Variants in PIK3C2G observed in about 807,000 individuals in gnomAD.
PIK3C2G encodes phosphatidylinositol 3-kinase C2 domain-containing subunit gamma.
A neutral mutation model predicts 181.1 loss-of-function variants in PIK3C2G; 168 were observed. The ratio of observed to expected loss-of-function variants is 0.93; its 90% CI spans 0.82 to 1.05. The LOEUF is 1.05. PIK3C2G is among the 50% of genes least tolerant of loss of function. The pLI is 0.00. For missense variants in PIK3C2G, 1,869 were observed against 1,732.8 expected (o/e 1.08, Z -1.40); for synonymous variants, 573 against 592.2 (o/e 0.97, Z 0.47).
At chr12:18,435,871 T>A (rs1237667070) in intron 18 of PIK3C2G, among the ~76,000 whole-genome samples, 2 of 151,788 alleles carry the variant, frequency 1.3e-5, no homozygotes, top group Non-Finnish European at 2.9e-5. Flanking sequence ...ACATCTACAA[T>A]ACAGTTCTTA....
At chr12:18,400,826 T>C (rs1944209210) in intron 16 of PIK3C2G, among the ~76,000 whole-genome samples, 2 of 152,072 alleles carry the variant, frequency 1.3e-5, no homozygotes, top group African/African-American at 4.8e-5. Context: ...TATGGCTTCT[T>C]CCATTAACTG....
intron 24 of PIK3C2G, among the ~76,000 whole-genome samples, chr12:18,505,849 A>G (rs961934632): frequency 6.6e-6 from 1 of 152,208 alleles, no homozygotes; most frequent in Non-Finnish European, 1.5e-5. Context: ...TATTAATACT[A>G]GCTTACTTCC....
Position 18,496,075 on chromosome 12 carries a change from T to A in PIK3C2G, c.2807T>A (p.Phe936Tyr). 1 of 1,519,284 alleles carries A rather than the reference T, an allele frequency of 6.6e-7. No homozygotes were observed. The highest frequency in any genetic ancestry group is 8.9e-7 in the Non-Finnish European group (1 of 1,126,392). 94.1% of individuals were successfully genotyped at this position (1,519,284 alleles called of 1,614,324 possible). Reference protein sequence around the residue: ...KGIDHDACSYFTSNALPLKIT... With the variant: ...KGIDHDACSYYTSNALPLKIT... ...CTTTTCCTATAGGCATGTTCATATT[T>A]TACATCTAATGCTTTGCCATTGAAG... Residue 936 changes from phenylalanine (F) to tyrosine (Y), a missense_variant, in exon 21 of 33, where the codon TTT (phenylalanine) becomes TAT (tyrosine). Physicochemically the swap from Phe to Tyr is conservative, Grantham distance 22. Coordinates refer to ENST00000538779, the MANE Select transcript of PIK3C2G (RefSeq NM_001288772.2).
At chr12:18,445,944 G>T (rs1250850816) in intron 18 of PIK3C2G, among the ~76,000 whole-genome samples, 1 of 152,122 alleles carries the variant, frequency 6.6e-6, no homozygotes, top group East Asian at 1.9e-4. Flanking sequence ...GGGAAAATGG[G>T]CACAGAGAGA....
At chr12:18,289,371 T>G (rs1949590766) in intron 3 of PIK3C2G, among the ~76,000 whole-genome samples, 1 of 152,200 alleles carries the variant, frequency 6.6e-6, no homozygotes, top group African/African-American at 2.4e-5. Context: ...TAGGAGAGAA[T>G]GAATCATGAA....
intron 16 of PIK3C2G, among the ~76,000 whole-genome samples, chr12:18,410,054 T>G (rs1368805054): frequency 6.6e-6 from 1 of 152,084 alleles, no homozygotes; most frequent in African/African-American, 2.4e-5. Context: ...TCCAGCACAC[T>G]GGGGATTACA....
chr12:18,341,132 G>A (rs997102643), intron 9 of PIK3C2G, among the ~76,000 whole-genome samples: 10 of 152,124 alleles, frequency 6.6e-5, no homozygotes, highest in African/African-American at 2.4e-4. Context: ...TTAGGATGAA[G>A]TATTTCAAAG....
intron 1 of PIK3C2G, among the ~76,000 whole-genome samples, chr12:18,251,290 T>G (rs966996553): frequency 1.3e-4 from 20 of 152,094 alleles, no homozygotes; most frequent in African/African-American, 3.8e-4. Flanking sequence ...AATGGAAAAG[T>G]CCACTTAAAA....
In PIK3C2G at chr12:18,371,178, A is replaced by C. The variant is rs1231279590; in HGVS notation, c.1749-2A>C. On this transcript the variant is annotated splice_acceptor_variant, in intron 12 of 32. Coordinates refer to ENST00000538779, the MANE Select transcript of PIK3C2G (RefSeq NM_001288772.2). LOFTEE classifies it high-confidence loss of function. ...AATGCTTCTTCTTTCTTTTATTCTC[A>C]GGATCAATTTTCCCCTTGAAATAAA... is the stretch of plus-strand genomic sequence containing the variant. 6.2e-7 allele frequency: 1 copy of C among 1,602,920 alleles called. No individual in the cohort carries two copies. The highest frequency in any genetic ancestry group is 2.2e-5 in the East Asian group (1 of 44,624).
At chr12:18,404,859 T>G (rs151173995) in intron 16 of PIK3C2G, among the ~76,000 whole-genome samples, 31 of 151,940 alleles carry the variant, frequency 2.0e-4, no homozygotes, top group African/African-American at 7.2e-4. Context: ...GGCATCAGTA[T>G]AAAGAACAGA....
chr12:18,377,066 G>A (rs1461004107), intron 13 of PIK3C2G, among the ~76,000 whole-genome samples: 2 of 152,214 alleles, frequency 1.3e-5, no homozygotes, highest in Admixed American at 1.3e-4. Context: ...TCTTGCACAT[G>A]AAACCTGTTA....
chr12:18,713,248 G>A, the PIK3C2G span, among the ~76,000 whole-genome samples: 2 of 151,968 alleles, frequency 1.3e-5, no homozygotes, highest in African/African-American at 2.4e-5. Flanking sequence ...CTCCATACAA[G>A]GCTTGGTTTT....
In PIK3C2G at chr12:18,405,397, G is replaced by GTGGTGTTGT. The variant is rs113689341; in HGVS notation, c.2315+5552_2315+5553insGTGTTGTTG. 1.9e-3 allele frequency among the ~76,000 whole-genome samples: 263 copies of GTGGTGTTGT among 139,876 alleles called. 2 individuals are homozygous for GTGGTGTTGT. The highest frequency in any genetic ancestry group is 6.4e-3 in the African/African-American group (220 of 34,608). The allele number at this position is 139,876 out of a possible 152,430, so 91.8% of individuals were successfully genotyped here. A position where few individuals can be genotyped will look rare whatever the true frequency, so the allele number is the denominator to read the frequency against. On this transcript the variant is annotated intron_variant, in intron 16 of 32. Coordinates refer to ENST00000538779, the MANE Select transcript of PIK3C2G (RefSeq NM_001288772.2). ...GGAACTCTGGAGAACAGCAACATTT[G>GTGGTGTTGT]TGTTGTTGTTGTTGTTGTTGTTGTT...
chr12:18,634,988 A>G (rs1025234050), intron 31 of PIK3C2G, among the ~76,000 whole-genome samples: 6 of 152,018 alleles, frequency 3.9e-5, no homozygotes, highest in African/African-American at 1.4e-4. Context: ...ACTGGCTGCA[A>G]CCCATGGATC....
At chr12:18,543,312 T>C (rs1280509109) in intron 25 of PIK3C2G, among the ~76,000 whole-genome samples, 2 of 152,068 alleles carry the variant, frequency 1.3e-5, no homozygotes, top group Non-Finnish European at 2.9e-5. Flanking sequence ...ATACATAGTT[T>C]GCAAATATTT....
At chr12:18,462,492 T>C (rs906023694) in intron 18 of PIK3C2G, among the ~76,000 whole-genome samples, 1 of 152,180 alleles carries the variant, frequency 6.6e-6, no homozygotes, top group Non-Finnish European at 1.5e-5. Context: ...TTCTCTCTTA[T>C]TCCCTTCTGT....
chr12:18,682,129 G>A, the PIK3C2G span, among the ~76,000 whole-genome samples: 2 of 152,016 alleles, frequency 1.3e-5, no homozygotes, highest in Admixed American at 6.6e-5. Context: ...GGTGGAAACT[G>A]GAAGATTGTG....
chr12:18,398,160 T>G (rs1944005427), intron 15 of PIK3C2G, among the ~76,000 whole-genome samples: 1 of 152,190 alleles, frequency 6.6e-6, no homozygotes, highest in South Asian at 2.1e-4. Flanking sequence ...GGAGTGTGGT[T>G]GTTATCTGGT....
At chr12:18,467,457 G>C (rs1048622042) in intron 18 of PIK3C2G, among the ~76,000 whole-genome samples, 1 of 150,776 alleles carries the variant, frequency 6.6e-6, no homozygotes, top group East Asian at 1.9e-4. Flanking sequence ...ACATTTAAAA[G>C]AGTTTGTTTT....
Sources: allele counts gnomAD v4.1 joint callset (sites outside exome capture counted in the v4.1 genomes callset), GRCh38; gene constraint gnomAD v4.1.1; transcripts MANE v1.5; gene names NCBI Gene and HGNC (gene_info 2026-07-23, HGNC 2026-07-21).